Variants in CCDC88A observed in about 807,000 individuals in gnomAD.
The protein encoded by CCDC88A is coiled-coil and HOOK domain protein 88A, also known as girdin.
A neutral mutation model predicts 234.3 loss-of-function variants in CCDC88A; 54 were observed. The observed-to-expected ratio is 0.23, with a 90% CI of 0.19 to 0.29. The LOEUF (loss-of-function observed/expected upper bound fraction) is 0.29, where lower values mean the gene tolerates loss of function less well. Ranked by LOEUF, CCDC88A falls within the 10% of genes least tolerant of loss-of-function variation. The pLI is 1.00. For missense variants in CCDC88A, 1,832 were observed against 2,123.4 expected, an observed-to-expected ratio of 0.86 and a Z score of 2.70; for synonymous variants, 753 against 737.8, an observed-to-expected ratio of 1.02 and a Z score of -0.33.
intron 2 of CCDC88A, among the ~76,000 whole-genome samples, chr2:55,411,737 G>A (rs1463366216): frequency 3.8e-5 from 5 of 129,904 alleles, no homozygotes; most frequent in South Asian, 4.9e-4. Flanking sequence ...CCGAGATCAC[G>A]CCACTGTACT....
chr2:55,336,761 T>A lies in CCDC88A; in HGVS notation c.1576A>T (p.Asn526Tyr). The change falls in exon 14 of 33, where the codon AAT becomes TAT. Residue 526 changes from asparagine (N) to tyrosine (Y), a missense_variant. Around this residue, in one of 6 missense-constraint regions of CCDC88A, gnomAD observed 1,282 missense variants for 1,543.6 expected, o/e 0.83. Coordinates refer to ENST00000436346, the MANE Select transcript of CCDC88A (RefSeq NM_001365480.1). ...TCCTTCATTAGATCCTTGCTTAAAT[T>A]CTGACAATTCTGAAGACTTTGCTTT... ...QEKQSLQNCQ[N>Y]LSKDLMKEKA... 1 of 1,595,278 alleles carries A rather than the reference T, an allele frequency of 6.3e-7. No homozygotes were observed. The highest frequency in any genetic ancestry group is 8.6e-7 in the Non-Finnish European group (1 of 1,168,062).
At chr2:55,409,399 T>A (rs1376729803) in intron 2 of CCDC88A, among the ~76,000 whole-genome samples, 1 of 152,214 alleles carries the variant, frequency 6.6e-6, no homozygotes, top group African/African-American at 2.4e-5. Flanking sequence ...TCCATGTAAA[T>A]CATCACTTCC....
At chr2:55,291,943 A>G in intron 31 of CCDC88A, 168 bp from the exon 32 acceptor site, 1 of 498,100 alleles carries the variant, frequency 2.0e-6, no homozygotes, top group Non-Finnish European at 3.5e-6. Context: ...CGATTTTTAT[A>G]TTTTAAAGCT....
Position 55,317,346 on chromosome 2 carries a change from G to GT in CCDC88A, c.3605dup (p.Tyr1202Ter). The GT allele has an allele frequency of 6.8e-7, 1 of 1,467,660 alleles. No homozygotes were observed. Among genetic ancestry groups the GT allele is most frequent in the Non-Finnish European group, 9.0e-7 (1 of 1,105,842 alleles). The allele number at this position is 1,467,660 out of a possible 1,614,324, so 90.9% of individuals were successfully genotyped here. A position where few individuals can be genotyped will look rare whatever the true frequency, so the allele number is the denominator to read the frequency against. The change falls in exon 21 of 33, where the codon TAC (tyrosine) becomes TAAC (stop). Residue 1202 changes from tyrosine to a stop codon, truncating the protein, a stop_gained and frameshift_variant. Coordinates refer to ENST00000436346, the MANE Select transcript of CCDC88A (RefSeq NM_001365480.1). LOFTEE classifies it high-confidence loss of function. This position sits in a 1 kb window ranked among gnomAD's most constrained non-coding sequence, Gnocchi z 4.2. ...EVEHRDLEDRYNQLLKQKGQL... is the reference protein window; with the variant it reads ...EVEHRDLEDR ...GTCCTTTCTGTTTTAATAACTGATT[G>GT]TAACTGGGGGGAAAAAAGGCATTTG...
chr2:55,325,739 C>G (rs1370503133), intron 17 of CCDC88A, among the ~76,000 whole-genome samples: 2 of 152,170 alleles, frequency 1.3e-5, no homozygotes, highest in African/African-American at 4.8e-5. Flanking sequence ...GTGGATTTTT[C>G]TCCATGTAGT....
chr2:55,410,820 G>A (rs1255962772), intron 2 of CCDC88A, among the ~76,000 whole-genome samples: 1 of 151,946 alleles, frequency 6.6e-6, no homozygotes, highest in Non-Finnish European at 1.5e-5. Flanking sequence ...TTGAGCCCAG[G>A]AGGCAGAGGT....
At chr2:55,325,025 GAC>G (rs924109434) in intron 17 of CCDC88A, among the ~76,000 whole-genome samples, 11 of 152,236 alleles carry the variant, frequency 7.2e-5, no homozygotes, top group African/African-American at 2.2e-4. Flanking sequence ...CAGTATGCAT[GAC>G]AGTTCCAGTT....
At chr2:55,339,766 T>A in intron 12 of CCDC88A, 118 bp from the exon 13 acceptor site, 1 of 697,958 alleles carries the variant, frequency 1.4e-6, no homozygotes, top group Non-Finnish European at 2.2e-6. Flanking sequence ...TTAACTTTAT[T>A]AAAAATTCAA....
At chr2:55,368,159 G>A (rs1672294817) in intron 5 of CCDC88A, among the ~76,000 whole-genome samples, 1 of 152,140 alleles carries the variant, frequency 6.6e-6, no homozygotes, top group East Asian at 1.9e-4. Context: ...GAAGACTTGG[G>A]TTGCCCATTG....
chr2:55,400,105 A>G (rs1380925460), intron 2 of CCDC88A, among the ~76,000 whole-genome samples: 1 of 152,214 alleles, frequency 6.6e-6, no homozygotes, highest in Admixed American at 6.5e-5. Context: ...AAATATTCCA[A>G]ATATTCTGCC....
intron 26 of CCDC88A, among the ~76,000 whole-genome samples, chr2:55,302,332 G>T (rs193148197): frequency 6.6e-6 from 1 of 152,094 alleles, no homozygotes; most frequent in Non-Finnish European, 1.5e-5. Flanking sequence ...TACTAAGTAC[G>T]ACTGCCATGC....
chr2:55,344,999 T>C (rs2104725203), intron 10 of CCDC88A, among the ~76,000 whole-genome samples: 1 of 152,302 alleles, frequency 6.6e-6, no homozygotes, highest in Admixed American at 6.5e-5. Context: ...AAATATTTTA[T>C]ATAAATACAC....
intron 2 of CCDC88A, among the ~76,000 whole-genome samples, chr2:55,402,382 G>C (rs1281100217): frequency 6.6e-6 from 1 of 152,076 alleles, no homozygotes. Context: ...TTAAGTATAA[G>C]AAATATGACC....
intron 7 of CCDC88A, among the ~76,000 whole-genome samples, chr2:55,358,340 C>T (rs1670857707): frequency 6.6e-6 from 1 of 152,142 alleles, no homozygotes; most frequent in African/African-American, 2.4e-5. Context: ...AAGTTTGACT[C>T]TATCGCTGTT....
At chr2:55,373,656 C>A (rs1574336843) in intron 4 of CCDC88A, among the ~76,000 whole-genome samples, 1 of 152,104 alleles carries the variant, frequency 6.6e-6, no homozygotes, top group African/African-American at 2.4e-5. Flanking sequence ...TAGGTACTTA[C>A]CAAATGTATG....
chr2:55,328,547 T>C lies in CCDC88A; in HGVS notation c.2856-112A>G. The C allele has an allele frequency of 1.5e-6, 1 of 684,654 alleles. No homozygotes were observed. 42.4% of individuals were successfully genotyped at this position (684,654 alleles called of 1,614,324 possible). ...ATAAATGGGTCTTATAAAAGCATTTTTGTTAAAGAGGCAAATGAAATTATC... is the reference window on the plus strand; with the variant it reads ...ATAAATGGGTCTTATAAAAGCATTTCTGTTAAAGAGGCAAATGAAATTATC... On this transcript the variant is annotated intron_variant, in intron 16 of 32. Coordinates refer to ENST00000436346, the MANE Select transcript of CCDC88A (RefSeq NM_001365480.1). The surrounding 1 kb of genome is among the most constrained non-coding windows in gnomAD (Gnocchi z 4.3).
intron 2 of CCDC88A, among the ~76,000 whole-genome samples, chr2:55,401,924 A>T (rs747956971): frequency 1.3e-5 from 2 of 152,196 alleles, no homozygotes; most frequent in Non-Finnish European, 2.9e-5. Flanking sequence ...CACAAAAATA[A>T]TTAAAATCCA....
At chr2:55,366,663 C>T (rs1378871743) in intron 5 of CCDC88A, among the ~76,000 whole-genome samples, 2 of 151,694 alleles carry the variant, frequency 1.3e-5, no homozygotes, top group African/African-American at 2.4e-5. Flanking sequence ...TGCATAAACC[C>T]TAAAGTTGTA....
chr2:55,384,848 G>T (rs567092200), intron 3 of CCDC88A, among the ~76,000 whole-genome samples: 28 of 151,414 alleles, frequency 1.8e-4, no homozygotes, highest in African/African-American at 6.1e-4. Flanking sequence ...GTACAGGCAG[G>T]GTTTCACCAC....
Sources: allele counts gnomAD v4.1 joint callset (sites outside exome capture counted in the v4.1 genomes callset), GRCh38; gene constraint gnomAD v4.1.1; regional missense constraint gnomAD v4.1.1; non-coding constraint Gnocchi (gnomAD v3.1); transcripts MANE v1.5; gene names NCBI Gene and HGNC (gene_info 2026-07-23, HGNC 2026-07-21).